GALNT13: variants seen among roughly 807,000 people sequenced by gnomAD.
GALNT13 encodes polypeptide N-acetylgalactosaminyltransferase 13.
GALNT13 carries 28 observed loss-of-function variants against 64.2 expected under a neutral mutation model. The ratio of observed to expected loss-of-function variants is 0.44; its 90% confidence interval spans 0.32 to 0.60. GALNT13 has a LOEUF of 0.60. Ranked by LOEUF, GALNT13 falls within the 20% of genes least tolerant of loss-of-function variation. The pLI, the probability that GALNT13 is intolerant of heterozygous loss-of-function variation, is 0.05. For missense variants in GALNT13, 577 were observed against 669.8 expected (o/e 0.86, Z 1.53); for synonymous variants, 214 against 224.6 (o/e 0.95, Z 0.42).
the GALNT13 span, among the ~76,000 whole-genome samples, chr2:153,104,514 C>A: frequency 2.0e-5 from 3 of 152,112 alleles, no homozygotes; most frequent in Non-Finnish European, 4.4e-5. Flanking sequence ...CTGTAGTATC[C>A]ACTGGTCTTG....
At chr2:153,683,422 G>T in the GALNT13 span, among the ~76,000 whole-genome samples, 2 of 99,024 alleles carry the variant, frequency 2.0e-5, no homozygotes, top group African/African-American at 7.2e-5. Flanking sequence ...ATTGTGGTTT[G>T]CATATACGTA....
chr2:153,543,788 G>C, the GALNT13 span, among the ~76,000 whole-genome samples: 1 of 152,282 alleles, frequency 6.6e-6, no homozygotes, highest in East Asian at 1.9e-4. Flanking sequence ...TTCCTGAGGG[G>C]TATTACATTA....
chr2:153,533,717 G>GTTTTTTTTTTTTTTTTT, the GALNT13 span, among the ~76,000 whole-genome samples: 1 of 24,064 alleles, frequency 4.2e-5, no homozygotes, highest in African/African-American at 1.8e-4. Context: ...ATATCCTGAG[G>GTTTTTTTTTTTTTTTTT]TTTTTCTTTT....
the GALNT13 span, among the ~76,000 whole-genome samples, chr2:153,688,697 C>T: frequency 1.3e-5 from 2 of 151,948 alleles, no homozygotes; most frequent in Admixed American, 6.6e-5. Context: ...AGGAATCACA[C>T]ATTATGTTAC....
chr2:153,120,563 T>C, the GALNT13 span, among the ~76,000 whole-genome samples: 1 of 152,224 alleles, frequency 6.6e-6, no homozygotes, highest in East Asian at 1.9e-4. Context: ...TAAGCATTTA[T>C]CTATAAAAAT....
chr2:153,552,572 CTTCTTTTTTTTTTT>C, the GALNT13 span, among the ~76,000 whole-genome samples: 6 of 93,870 alleles, frequency 6.4e-5, no homozygotes, highest in African/African-American at 2.8e-4. Context: ...CCTGCTTCTT[CTTCTTTTTTTTTTT>C]TTTTTTTTTT....
upstream of GALNT13, among the ~76,000 whole-genome samples, chr2:153,868,073 C>A (rs1465085187): frequency 6.6e-6 from 1 of 152,126 alleles, no homozygotes; most frequent in Non-Finnish European, 1.5e-5. Flanking sequence ...TATCTTTTTT[C>A]TCACTGCTAG....
At chr2:153,651,509 G>A in the GALNT13 span, among the ~76,000 whole-genome samples, 183 of 152,126 alleles carry the variant, frequency 1.2e-3, no homozygotes, top group Admixed American at 3.6e-3. Flanking sequence ...TCTGGTGGAA[G>A]ATATCCTGAG....
the GALNT13 span, among the ~76,000 whole-genome samples, chr2:153,072,111 C>A: frequency 6.6e-6 from 1 of 152,210 alleles, no homozygotes; most frequent in Non-Finnish European, 1.5e-5. Context: ...CTTCTAATAA[C>A]TAGCATCTGC....
chr2:153,796,453 A>C, the GALNT13 span, among the ~76,000 whole-genome samples: 2 of 152,248 alleles, frequency 1.3e-5, no homozygotes, highest in African/African-American at 4.8e-5. Flanking sequence ...TGACTTGGTG[A>C]AAATGATCAT....
the GALNT13 span, among the ~76,000 whole-genome samples, chr2:153,072,926 A>G: frequency 6.6e-6 from 1 of 152,168 alleles, no homozygotes; most frequent in African/African-American, 2.4e-5. Context: ...GCATCGTTCC[A>G]TTTCCTGAAT....
At chr2:153,654,271 T>G in the GALNT13 span, among the ~76,000 whole-genome samples, 3 of 152,148 alleles carry the variant, frequency 2.0e-5, no homozygotes, top group Non-Finnish European at 4.4e-5. Flanking sequence ...TTAAATAGTC[T>G]TATAAGACAT....
the GALNT13 span, among the ~76,000 whole-genome samples, chr2:153,300,146 G>A: frequency 3.9e-5 from 6 of 152,260 alleles, no homozygotes; most frequent in East Asian, 1.2e-3. Context: ...TGGTTACTAA[G>A]GAACAGGTGA....
chr2:153,529,426 T>C, the GALNT13 span, among the ~76,000 whole-genome samples: 3 of 151,904 alleles, frequency 2.0e-5, no homozygotes, highest in Non-Finnish European at 4.4e-5. Flanking sequence ...ATAAAAAGTC[T>C]CTTAGGAAAG....
At chr2:154,202,120 T>C (rs1687202924) in intron 4 of GALNT13, among the ~76,000 whole-genome samples, 1 of 152,096 alleles carries the variant, frequency 6.6e-6, no homozygotes, top group South Asian at 2.1e-4. Flanking sequence ...GCTCTCTGTC[T>C]AGCAGGGGAG....
At chr2:153,420,405 C>G in the GALNT13 span, among the ~76,000 whole-genome samples, 3 of 152,098 alleles carry the variant, frequency 2.0e-5, no homozygotes, top group African/African-American at 7.2e-5. Context: ...TCATACAGAT[C>G]ATGCTTCTGC....
intron 3 of GALNT13, among the ~76,000 whole-genome samples, chr2:154,121,687 TACAC>T (rs1217369832): frequency 7.9e-5 from 12 of 152,218 alleles, no homozygotes; most frequent in African/African-American, 2.2e-4. Context: ...TAGCACCAAA[TACAC>T]AATACTATAG....
At chr2:154,136,832 T>G (rs1215668932) in intron 3 of GALNT13, among the ~76,000 whole-genome samples, 2 of 152,156 alleles carry the variant, frequency 1.3e-5, no homozygotes, top group Non-Finnish European at 2.9e-5. Context: ...CCAGCTTTGG[T>G]ATTTGAACAT....
chr2:153,564,345 C>T, the GALNT13 span, among the ~76,000 whole-genome samples: 1 of 152,028 alleles, frequency 6.6e-6, no homozygotes, highest in Non-Finnish European at 1.5e-5. Flanking sequence ...TTATACCATA[C>T]TAAAATTATA....
Sources: allele counts gnomAD v4.1 joint callset (sites outside exome capture counted in the v4.1 genomes callset), GRCh38; gene constraint gnomAD v4.1.1; transcripts MANE v1.5; gene names NCBI Gene and HGNC (gene_info 2026-07-23, HGNC 2026-07-21).